Variants in AASDH observed in about 807,000 individuals in gnomAD.
The protein encoded by AASDH is beta-alanine-activating enzyme.
A neutral mutation model predicts 102.3 loss-of-function variants in AASDH; 81 were observed. The ratio of observed to expected loss-of-function variants is 0.79; its 90% confidence interval spans 0.66 to 0.95. AASDH has a LOEUF of 0.95. Ranked by LOEUF, AASDH falls within the 40% of genes least tolerant of loss-of-function variation. AASDH has a pLI of 0.00. For missense variants in AASDH, 1,203 were observed against 1,266.2 expected, an observed-to-expected ratio of 0.95 and a Z score of 0.76; for synonymous variants, 398 against 454.0, an observed-to-expected ratio of 0.88 and a Z score of 1.57.
At chr4:56,350,384 G>A (rs906784375) in intron 10 of AASDH, among the ~76,000 whole-genome samples, 1 of 152,086 alleles carries the variant, frequency 6.6e-6, no homozygotes, top group Non-Finnish European at 1.5e-5. Flanking sequence ...AACCCAGGGG[G>A]TGGAGGTTGC....
chr4:56,377,892 C>A (rs573822582), intron 4 of AASDH, among the ~76,000 whole-genome samples: 2 of 152,198 alleles, frequency 1.3e-5, no homozygotes, highest in Non-Finnish European at 2.9e-5. Context: ...GCAACCTCCA[C>A]CTCCTGGGTT....
At chr4:56,364,455 G>T (rs544431735) in intron 5 of AASDH, among the ~76,000 whole-genome samples, 1 of 152,236 alleles carries the variant, frequency 6.6e-6, no homozygotes, top group South Asian at 2.1e-4. Context: ...AAAATGTTAA[G>T]GGCAGCCAGA....
chr4:56,361,766 T>C (rs1750324270), intron 5 of AASDH, among the ~76,000 whole-genome samples: 1 of 151,676 alleles, frequency 6.6e-6, no homozygotes, highest in Non-Finnish European at 1.5e-5. Context: ...AGCCCAGGAG[T>C]TCAAGACCAG....
In AASDH at chr4:56,378,482, C is replaced by T; in HGVS notation, c.352-18G>A. The stretch of plus-strand genomic sequence containing the variant: ...TTAAATTTCTGTGTGAAATGGGGGA[C>T]AAAGTTTACAGTATTAGTATGTTAA... On this transcript the variant is annotated intron_variant, in intron 3 of 14. Transcript: ENST00000205214. 1.3e-6 allele frequency: 2 copies of T among 1,549,022 alleles called. No individual in the cohort carries two copies. Among genetic ancestry groups the T allele is most frequent in the Non-Finnish European group, 8.8e-7 (1 of 1,139,474 alleles).
chr4:56,378,357 C>A lies in AASDH; in HGVS notation c.459G>T (p.Leu153Phe), dbSNP rs771642907. 23 of 1,613,774 alleles carry A rather than the reference C, an allele frequency of 1.4e-5. No homozygotes were observed. The highest frequency in any genetic ancestry group is 1.9e-5 in the Non-Finnish European group (23 of 1,179,902). Residue 153 changes from leucine to phenylalanine, a missense_variant, in exon 4 of 15, where the codon TTG (leucine) becomes TTT (phenylalanine). By Grantham distance (22) the Leu-to-Phe change is conservative (BLOSUM62 0). Coordinates refer to ENST00000205214, the MANE Select transcript of AASDH (RefSeq NM_181806.4). The part of the protein sequence containing the change: ...RLHWKNTEVN[L>F]MLNDGKEKYE... ...ATTTCTCTTTTCCATCATTTAGCAT[C>A]AAGTTCACCTCAGTATTTTTCCAGT...
At chr4:56,362,939 G>A (rs1750492295) in intron 5 of AASDH, among the ~76,000 whole-genome samples, 1 of 152,236 alleles carries the variant, frequency 6.6e-6, no homozygotes, top group Admixed American at 6.5e-5. Context: ...CCTCACCTGG[G>A]AAGCGCCAAG....
rs976014746 is a variant in AASDH at position 56,345,133 on chromosome 4, A to G, written c.2646T>C (p.Asp882=). ...GSHDQHAYAL[D]IYRKKCVWKS... ...ATTTGAGGTCAATCCTTACATAAAT[A>G]TCTAAAGCATATGCGTGCTGGTCAT... The change falls in exon 12 of 15, where the codon GAT becomes GAC. Residue 882 remains aspartate, a synonymous_variant. Coordinates refer to ENST00000205214, the MANE Select transcript of AASDH (RefSeq NM_181806.4). 1 of 1,613,738 alleles carries G rather than the reference A, an allele frequency of 6.2e-7. No individual in the cohort carries two copies. The highest frequency in any genetic ancestry group is 1.3e-5 in the African/African-American group (1 of 74,888).
At position 56,378,161 on chromosome 4, in the gene AASDH, T is replaced by A; in HGVS notation, c.655A>T (p.Ile219Phe). ...RVPHKCIVPN[I>F]QHFRVLFDIT... Reference sequence around the variant, plus strand: ...ACTAGAACTTACCGAAAATGCTGGATATTTGGTACTATACACTTATGAGGC... The same window carrying A: ...ACTAGAACTTACCGAAAATGCTGGAAATTTGGTACTATACACTTATGAGGC... Residue 219 changes from isoleucine to phenylalanine, a missense_variant, in exon 4 of 15, where the codon ATC becomes TTC. Coordinates refer to ENST00000205214, the MANE Select transcript of AASDH (RefSeq NM_181806.4). 1 of 1,599,252 alleles carries A rather than the reference T, an allele frequency of 6.3e-7. No individual in the cohort carries two copies.
chr4:56,354,083 TCTGA>T lies in AASDH; in HGVS notation c.1335_1338del (p.Ser445ArgfsTer37), dbSNP rs762934444. ...TTAAGACGTTTGCCATGACGTTTGA[TCTGA>T]CTGTCTTTTCGTCCCAAAAAAAAAA... On this transcript the variant is annotated frameshift_variant, in exon 8 of 15. Transcript: ENST00000205214. LOFTEE classifies it high-confidence loss of function. 1.4e-4 allele frequency: 227 copies of T among 1,613,178 alleles called. No homozygotes were observed. The highest frequency in any genetic ancestry group is 1.7e-4 in the Non-Finnish European group (202 of 1,179,540).
At chr4:56,385,923 TTC>T (rs1420625833) in intron 1 of AASDH, among the ~76,000 whole-genome samples, 1 of 117,514 alleles carries the variant, frequency 8.5e-6, no homozygotes, top group Non-Finnish European at 2.0e-5. Context: ...AAGTTTTCTT[TTC>T]TTTCTTTTTT....
At chr4:56,346,456 CT>C (rs1324306706) in intron 11 of AASDH, among the ~76,000 whole-genome samples, 2 of 152,056 alleles carry the variant, frequency 1.3e-5, no homozygotes, top group East Asian at 3.9e-4. Context: ...TCTTTTTGAC[CT>C]TGGGTTAGGC....
intron 5 of AASDH, among the ~76,000 whole-genome samples, chr4:56,360,057 A>G (rs1251006418): frequency 2.0e-5 from 3 of 152,222 alleles, no homozygotes; most frequent in African/African-American, 7.2e-5. Context: ...ATATTTATAA[A>G]GTAGAATGAC....
At chr4:56,381,708 T>G (rs1466572698) in intron 3 of AASDH, 2 of 143,612 alleles carry the variant, frequency 1.4e-5, no homozygotes, top group Non-Finnish European at 3.0e-5. Context: ...GGAATGCATT[T>G]AAGTTACCCC....
In AASDH at chr4:56,354,065, G is replaced by A. The variant is rs1222400729; in HGVS notation, c.1357C>T (p.Arg453Cys). The A allele has an allele frequency of 1.9e-5, 30 of 1,610,844 alleles. No individual in the cohort carries two copies. Among genetic ancestry groups the A allele is most frequent in the Non-Finnish European group, 2.4e-5 (28 of 1,178,366 alleles). The change falls in exon 8 of 15, where the codon CGT becomes TGT. Residue 453 changes from arginine (R) to cysteine (C), a missense_variant. Physicochemically the swap from Arg to Cys is radical, Grantham distance 180 (BLOSUM62 -3). Transcript: ENST00000205214. ...KDSQIKRHGKRLNIELVQQVA... is the reference protein window; with the variant it reads ...KDSQIKRHGKCLNIELVQQVA... ...TGTTGCACAAGTTCAATGTTAAGAC[G>A]TTTGCCATGACGTTTGATCTGACTG... is the stretch of plus-strand genomic sequence containing the variant.
chr4:56,386,799 CAA>C (rs386400124), intron 1 of AASDH, among the ~76,000 whole-genome samples: 841 of 48,688 alleles, frequency 0.017, 2 homozygotes, highest in African/African-American at 0.062. Flanking sequence ...GACTCCGTCT[CAA>C]AAAAAAAAAA....
intron 3 of AASDH, among the ~76,000 whole-genome samples, chr4:56,380,038 G>A (rs1239183590): frequency 6.6e-6 from 1 of 152,214 alleles, no homozygotes; most frequent in African/African-American, 2.4e-5. Context: ...AATAATAAAT[G>A]AGATTCTGCT....
At chr4:56,379,249 T>G (rs150827021) in intron 3 of AASDH, among the ~76,000 whole-genome samples, 3,206 of 152,282 alleles carry the variant, frequency 0.021, 48 homozygotes, top group South Asian at 0.047. Flanking sequence ...TCTTCCCACC[T>G]CAGCCTCTTG....
rs1341692803 is a variant in AASDH at position 56,343,638 on chromosome 4, GAA to G, written c.2697_2698del (p.Ser900LeufsTer98). 6 of 1,610,342 alleles carry G rather than the reference GAA, an allele frequency of 3.7e-6. No individual in the cohort carries two copies. Among genetic ancestry groups the G allele is most frequent in the African/African-American group, 1.3e-5 (1 of 74,776 alleles). ...TGGAATCAGGTTCAAACACGGAGAG[GAA>G]AAGACAGTTCCTCCACATTTTGACT... On this transcript the variant is annotated frameshift_variant, in exon 13 of 15. Coordinates refer to ENST00000205214, the MANE Select transcript of AASDH (RefSeq NM_181806.4). LOFTEE classifies it high-confidence loss of function.
chr4:56,344,210 C>T (rs192266859), intron 12 of AASDH, among the ~76,000 whole-genome samples: 298 of 152,142 alleles, frequency 2.0e-3, no homozygotes, highest in Non-Finnish European at 2.7e-3. Context: ...TTCTAAAAAA[C>T]GAATTTTATT....
Sources: gnomAD v4.1 joint callset for allele counts (sites outside exome capture counted in the v4.1 genomes callset) on GRCh38, gnomAD v4.1.1 for gene constraint, MANE v1.5 for transcripts, NCBI Gene and HGNC (gene_info 2026-07-23, HGNC 2026-07-21) for gene names.